The following LANCL3 variants were observed in gnomAD, a reference collection of about 807,000 sequenced individuals.
The protein encoded by LANCL3 is lanC-like protein 3.
A neutral mutation model predicts 26.5 loss-of-function variants in LANCL3; 19 were observed. The ratio of observed to expected loss-of-function variants is 0.72; its 90% CI spans 0.50 to 1.05. LANCL3 has a LOEUF of 1.05. Among genes scored for constraint, LANCL3 ranks in the 50% least tolerant of loss-of-function variants. The pLI is 0.00. For missense variants in LANCL3, 318 were observed against 362.7 expected, an observed-to-expected ratio of 0.88 and a Z score of 1.00; for synonymous variants, 160 against 166.6, an observed-to-expected ratio of 0.96 and a Z score of 0.30.
chrX:37,648,492 C>G (rs1002691406), intron 1 of LANCL3, among the ~76,000 whole-genome samples: 2 of 111,545 alleles, frequency 1.8e-5, no homozygotes, highest in Non-Finnish European at 3.8e-5. Context: ...ATGTAAAACC[C>G]AAAACCATAA....
chrX:37,659,665 A>C lies in LANCL3; in HGVS notation c.895+6A>C. 8.3e-7 allele frequency: 1 copy of C among 1,204,438 alleles called. No individual in the cohort carries two copies. Among genetic ancestry groups the C allele is most frequent in the Non-Finnish European group, 1.1e-6 (1 of 890,234 alleles). ...CTGGTGCCATGGCGCTCCAGGTCTCACACACTCTGTTACCTAAAAATATTG... is the reference window on the plus strand; with the variant it reads ...CTGGTGCCATGGCGCTCCAGGTCTCCCACACTCTGTTACCTAAAAATATTG... On this transcript the variant is annotated splice_donor_region_variant and intron_variant, in intron 3 of 4. Transcript: ENST00000378619.
intron 1 of LANCL3, among the ~76,000 whole-genome samples, chrX:37,646,988 C>A (rs1180826756): frequency 1.8e-5 from 2 of 111,798 alleles, no homozygotes; most frequent in Non-Finnish European, 3.8e-5. Context: ...TCCTTCAAAT[C>A]CATTGTTTTA....
intron 1 of LANCL3, among the ~76,000 whole-genome samples, chrX:37,580,272 A>G (rs533039626): frequency 8.9e-5 from 10 of 111,849 alleles, no homozygotes; most frequent in African/African-American, 2.9e-4. Flanking sequence ...ATGACCCAGA[A>G]CCCAGTGAAT....
chrX:37,631,852 G>A (rs1556424417), intron 1 of LANCL3, among the ~76,000 whole-genome samples: 1 of 110,748 alleles, frequency 9.0e-6, no homozygotes, highest in Non-Finnish European at 1.9e-5. Context: ...TACATTTGCT[G>A]AGGAGAGCTT....
chrX:37,650,478 G>C (rs1926109287), intron 1 of LANCL3, among the ~76,000 whole-genome samples: 2 of 101,497 alleles, frequency 2.0e-5, no homozygotes. Flanking sequence ...CAAATGAAAG[G>C]TTTGGCTTTA....
chrX:37,672,769 A>G (rs1460095781), intron 4 of LANCL3, among the ~76,000 whole-genome samples: 1 of 111,604 alleles, frequency 9.0e-6, no homozygotes. Flanking sequence ...TGCTTTTACA[A>G]CGTCTTTCTC....
Position 37,679,176 on chromosome X carries a change from G to A in LANCL3, c.*3363G>A, listed in dbSNP as rs1300368759. ...TGGATATAAGTGAGTTTTTTAATGT[G>A]CAGATCCTTTATATATTTAAAAGGG... On this transcript the variant is annotated 3_prime_UTR_variant, in exon 5 of 5. Transcript: ENST00000378619. 9.0e-6 allele frequency: 1 copy of A among 111,574 alleles called. No individual in the cohort carries two copies. The highest frequency in any genetic ancestry group is 2.8e-4 in the East Asian group (1 of 3,573). The allele number at this position is 111,574 out of a possible 1,213,427, so 9.2% of individuals were successfully genotyped here. A position where few individuals can be genotyped will look rare whatever the true frequency, so the allele number is the denominator to read the frequency against.
chrX:37,677,185 T>G lies in LANCL3; in HGVS notation c.*1372T>G, dbSNP rs1220316451. The stretch of plus-strand genomic sequence containing the variant: ...GTGTGTGTATGGTGTGTATTCCATA[T>G]CTATTCCCATGTAAATCCAAATACT... On this transcript the variant is annotated 3_prime_UTR_variant, in exon 5 of 5. Coordinates refer to ENST00000378619, the MANE Select transcript of LANCL3 (RefSeq NM_001170331.2). The G allele has an allele frequency of 4.0e-5, 4 of 101,132 alleles. No individual in the cohort carries two copies. The allele number at this position is 101,132 out of a possible 1,213,427, so 8.3% of individuals were successfully genotyped here.
intron 1 of LANCL3, among the ~76,000 whole-genome samples, chrX:37,592,123 C>T (rs1924299615): frequency 8.9e-6 from 1 of 111,876 alleles, no homozygotes; most frequent in African/African-American, 3.3e-5. Context: ...ATTTAGTTAA[C>T]CTCTTCCTGA....
At chrX:37,641,276 T>C (rs782341976) in intron 1 of LANCL3, among the ~76,000 whole-genome samples, 8 of 109,146 alleles carry the variant, frequency 7.3e-5, no homozygotes, top group Admixed American at 5.0e-4. Flanking sequence ...TTTTATTTCA[T>C]ATATATATAT....
At position 37,610,093 on chromosome X, in the gene LANCL3, G is replaced by A. The variant is rs146583183; in HGVS notation, c.573+37650G>A. On this transcript the variant is annotated intron_variant, in intron 1 of 4. Coordinates refer to ENST00000378619, the MANE Select transcript of LANCL3 (RefSeq NM_001170331.2). Reference sequence around the variant, plus strand: ...ACAGTTTGTCTCTGCTCCTTCTGTTGTTAGCCGAGGGGCTCAACTTGGGGC... The same window carrying A: ...ACAGTTTGTCTCTGCTCCTTCTGTTATTAGCCGAGGGGCTCAACTTGGGGC... 2.4e-4 allele frequency among the ~76,000 whole-genome samples: 27 copies of A among 111,991 alleles called. No individual in the cohort carries two copies. In the East Asian group the frequency reaches 6.7e-3, roughly 28 times the overall value.
rs1926968626 is a variant in LANCL3 at position 37,682,680 on chromosome X, T to C, written c.*6867T>C. 1 of 112,543 alleles carries C rather than the reference T, an allele frequency of 8.9e-6. No individual in the cohort carries two copies. The highest frequency in any genetic ancestry group is 1.9e-5 in the Non-Finnish European group (1 of 53,348). 9.3% of individuals were successfully genotyped at this position (112,543 alleles called of 1,213,427 possible). ...ATTCAAACATGTGGATTGATTTAGA[T>C]CATCCGTTTTGTCTTTGTTTTTTAG... On this transcript the variant is annotated 3_prime_UTR_variant, in exon 5 of 5. Coordinates refer to ENST00000378619, the MANE Select transcript of LANCL3 (RefSeq NM_001170331.2).
intron 3 of LANCL3, among the ~76,000 whole-genome samples, chrX:37,660,659 C>T (rs782815101): frequency 3.1e-4 from 34 of 111,462 alleles, no homozygotes; most frequent in African/African-American, 1.1e-3. Context: ...TGCTTCAATC[C>T]CACAAGCACA....
At chrX:37,603,604 T>C (rs1924629363) in intron 1 of LANCL3, among the ~76,000 whole-genome samples, 1 of 112,300 alleles carries the variant, frequency 8.9e-6, no homozygotes, top group African/African-American at 3.2e-5. Flanking sequence ...TGTGTTTGTA[T>C]CTCATTTTAA....
intron 4 of LANCL3, among the ~76,000 whole-genome samples, chrX:37,671,101 A>T (rs1556435995): frequency 1.8e-5 from 2 of 111,609 alleles, no homozygotes; most frequent in African/African-American, 6.5e-5. Context: ...CATAAACATC[A>T]TAATAATATA....
intron 1 of LANCL3, among the ~76,000 whole-genome samples, chrX:37,638,688 T>A (rs1483304361): frequency 9.0e-6 from 1 of 111,720 alleles, no homozygotes; most frequent in Non-Finnish European, 1.9e-5. Flanking sequence ...AGGGTATAAC[T>A]CAGTGAATTA....
intron 1 of LANCL3, among the ~76,000 whole-genome samples, chrX:37,601,362 G>C (rs143769764): frequency 0.027 from 3,016 of 111,690 alleles, 98 homozygotes; most frequent in African/African-American, 0.091. Context: ...TATTGAGTCT[G>C]TGTGCAGTCA....
chrX:37,585,597 T>C (rs1427125984), intron 1 of LANCL3, among the ~76,000 whole-genome samples: 2 of 111,959 alleles, frequency 1.8e-5, no homozygotes, highest in East Asian at 5.5e-4. Context: ...AAGTCTGTTT[T>C]ATCAGAGACT....
In LANCL3 at chrX:37,630,457, A is replaced by G. The variant is rs868933743; in HGVS notation, c.574-25231A>G. Among the ~76,000 whole-genome samples the G allele has an allele frequency of 6.2e-4, 65 of 105,113 alleles. No individual in the cohort carries two copies. The South Asian group carries it at 0.025, about 40-fold the overall frequency. The allele number at this position is 105,113 out of a possible 115,157, so 91.3% of individuals were successfully genotyped here. On this transcript the variant is annotated intron_variant, in intron 1 of 4. Transcript: ENST00000378619. Reference sequence around the variant, plus strand: ...TACCCTTTATTTCCTTCTCCTGCCTAATTGCCCTGGCCAGAACTTCCAACA... The same window carrying G: ...TACCCTTTATTTCCTTCTCCTGCCTGATTGCCCTGGCCAGAACTTCCAACA...
Sources: gnomAD v4.1 joint callset for allele counts (sites outside exome capture counted in the v4.1 genomes callset) on GRCh38, gnomAD v4.1.1 for gene constraint, MANE v1.5 for transcripts, NCBI Gene and HGNC (gene_info 2026-07-23, HGNC 2026-07-21) for gene names.